Variants in MARCHF7 observed in about 807,000 individuals in gnomAD.
MARCHF7 encodes the protein E3 ubiquitin-protein ligase MARCHF7.
A neutral mutation model predicts 76.5 loss-of-function variants in MARCHF7; 20 were observed. The observed-to-expected ratio is 0.26, with a 90% CI of 0.18 to 0.38. The LOEUF (loss-of-function observed/expected upper bound fraction) is 0.38, where lower values mean the gene tolerates loss of function less well. Among genes scored for constraint, MARCHF7 ranks in the 10% least tolerant of loss-of-function variants. The pLI is 1.00. For synonymous variants in MARCHF7, 295 were observed against 293.0 expected, an observed-to-expected ratio of 1.01 and a Z score of -0.07; for missense variants, 797 against 812.9, an observed-to-expected ratio of 0.98 and a Z score of 0.24.
rs1248317515 is a variant in MARCHF7, at chr2:159,764,671, G to C, written c.2053G>C (p.Glu685Gln). The C allele has an allele frequency of 6.3e-7, 1 of 1,599,736 alleles. No individual in the cohort carries two copies. Among genetic ancestry groups the C allele is most frequent in the Admixed American group, 1.7e-5 (1 of 57,442 alleles). Residue 685 changes from glutamate (E) to glutamine (Q), a missense_variant, in exon 11 of 12, where the codon GAA (glutamate) becomes CAA (glutamine). Coordinates refer to ENST00000409175, the MANE Select transcript of MARCHF7 (RefSeq NM_001282805.2). ...TCTTCAGGCACATATGGAAGATCTCGAAAGTAGGTGGAATTTCCCCTCCCC... is the reference window on the plus strand; with the variant it reads ...TCTTCAGGCACATATGGAAGATCTCCAAAGTAGGTGGAATTTCCCCTCCCC... Reference protein sequence around the residue: ...RTLQAHMEDLETSEDDSEEDG... With the variant: ...RTLQAHMEDLQTSEDDSEEDG...
chr2:159,741,736 T>G (rs1704149607), intron 4 of MARCHF7, among the ~76,000 whole-genome samples: 1 of 152,240 alleles, frequency 6.6e-6, no homozygotes, highest in Admixed American at 6.5e-5. Context: ...TTCATTTTAA[T>G]GTTCTTTAGC....
intron 3 of MARCHF7, among the ~76,000 whole-genome samples, chr2:159,726,787 A>G (rs986550657): frequency 1.3e-5 from 2 of 152,208 alleles, no homozygotes; most frequent in African/African-American, 4.8e-5. Flanking sequence ...TTTCATACTC[A>G]TTAAACAACT....
At position 159,743,042 on chromosome 2, in the gene MARCHF7, A is replaced by C. The variant is rs1381094157; in HGVS notation, c.154-19A>C. On this transcript the variant is annotated intron_variant, in intron 4 of 11. Transcript: ENST00000409175. ...GAATGCAGCCTTTTGTTGTTTAAAA[A>C]ATTTTTTTGAACTCACAGTCTACAT... The C allele has an allele frequency of 2.5e-6, 4 of 1,598,196 alleles. No homozygotes were observed. The highest frequency in any genetic ancestry group is 3.4e-6 in the Non-Finnish European group (4 of 1,171,552).
intron 4 of MARCHF7, among the ~76,000 whole-genome samples, chr2:159,741,383 A>G (rs1237722362): frequency 3.3e-5 from 5 of 152,122 alleles, no homozygotes; most frequent in Non-Finnish European, 7.4e-5. Context: ...TGATGGTAAA[A>G]TGGTTTATAC....
intron 4 of MARCHF7, among the ~76,000 whole-genome samples, chr2:159,731,973 G>A (rs10201985): frequency 0.12 from 17,524 of 150,934 alleles, 2,348 homozygotes; most frequent in African/African-American, 0.33. Flanking sequence ...GCGTGGTGGC[G>A]GGCGCCTGTA....
At chr2:159,717,807 G>A (rs1349354254) in intron 3 of MARCHF7, among the ~76,000 whole-genome samples, 3 of 151,978 alleles carry the variant, frequency 2.0e-5, no homozygotes, top group Non-Finnish European at 4.4e-5. Context: ...ACCATCACCC[G>A]AGATAACAGC....
chr2:159,746,747 C>G lies in MARCHF7; in HGVS notation c.514+810C>G, dbSNP rs575943758. Among the ~76,000 whole-genome samples, 5 of 152,192 alleles carry G rather than the reference C, an allele frequency of 3.3e-5. 1 individual carries two copies. In the South Asian group the frequency reaches 1.0e-3, roughly 32 times the overall value. ...AGCCTTAAACTATCATACTAAGTAA[C>G]TGAAGAAAAAGGTGCTAATTGAAGT... On this transcript the variant is annotated intron_variant, in intron 6 of 11. Transcript: ENST00000409175.
rs1283918780 is a variant in MARCHF7, at chr2:159,755,087, C to A, written c.1783+2516C>A. Among the ~76,000 whole-genome samples the A allele has an allele frequency of 3.3e-5, 5 of 152,204 alleles. No homozygotes were observed. The East Asian group carries it at 9.6e-4, about 29-fold the overall frequency. ...AGGGAGTTAAGGGTATCTATAAGGACATAATTGTGGCAACCATAGAAATTA... is the reference window on the plus strand; with the variant it reads ...AGGGAGTTAAGGGTATCTATAAGGAAATAATTGTGGCAACCATAGAAATTA... On this transcript the variant is annotated intron_variant, in intron 8 of 11. Transcript: ENST00000409175.
chr2:159,768,415 T>C lies in MARCHF7; in HGVS notation c.*1073T>C, dbSNP rs1001498207. On this transcript the variant is annotated 3_prime_UTR_variant, in exon 12 of 12. Coordinates refer to ENST00000409175, the MANE Select transcript of MARCHF7 (RefSeq NM_001282805.2). Reference sequence around the variant, plus strand: ...TTCTGTCAGTACCCTTAGGATACACTTTAAAACACCTTAAGGTCTGATGTT... The same window carrying C: ...TTCTGTCAGTACCCTTAGGATACACCTTAAAACACCTTAAGGTCTGATGTT... 2 of 152,634 alleles carry C rather than the reference T, an allele frequency of 1.3e-5. No individual in the cohort carries two copies. Among genetic ancestry groups the C allele is most frequent in the South Asian group, 4.1e-4 (2 of 4,838 alleles). The allele number at this position is 152,634 out of a possible 1,614,324, so 9.5% of individuals were successfully genotyped here. A position where few individuals can be genotyped will look rare whatever the true frequency, so the allele number is the denominator to read the frequency against.
chr2:159,713,930 A>C (rs1700665469), intron 1 of MARCHF7, among the ~76,000 whole-genome samples: 1 of 152,174 alleles, frequency 6.6e-6, no homozygotes, highest in Admixed American at 6.5e-5. Flanking sequence ...TTTTTTTCCA[A>C]GTTTAGTGCT....
intron 8 of MARCHF7, among the ~76,000 whole-genome samples, chr2:159,758,538 T>C (rs1485439117): frequency 6.6e-6 from 1 of 152,248 alleles, no homozygotes. Flanking sequence ...TCTGGTCTAC[T>C]TTCTGTCTCT....
chr2:159,740,147 G>T (rs896072145), intron 4 of MARCHF7, among the ~76,000 whole-genome samples: 6 of 152,014 alleles, frequency 3.9e-5, no homozygotes, highest in Admixed American at 1.3e-4. Flanking sequence ...CTTATTTCTT[G>T]ATATTCTAAT....
At chr2:159,758,218 A>G (rs1706574230) in intron 8 of MARCHF7, among the ~76,000 whole-genome samples, 1 of 152,244 alleles carries the variant, frequency 6.6e-6, no homozygotes, top group African/African-American at 2.4e-5. Flanking sequence ...GGCAGAAAGA[A>G]CCTACAAGTT....
At chr2:159,752,603 T>C in intron 8 of MARCHF7, 32 bp downstream of exon 8, 2 of 1,429,136 alleles carry the variant, frequency 1.4e-6, no homozygotes, top group Non-Finnish European at 1.8e-6. Context: ...TTTCACAATT[T>C]TTCTAAGAGA....
chr2:159,735,880 G>C (rs1359851865), intron 4 of MARCHF7, among the ~76,000 whole-genome samples: 2 of 152,160 alleles, frequency 1.3e-5, no homozygotes, highest in Admixed American at 1.3e-4. Context: ...TGTAATCCCA[G>C]CACTTTGGGA....
intron 3 of MARCHF7, among the ~76,000 whole-genome samples, chr2:159,724,259 G>C (rs1701932465): frequency 6.6e-6 from 1 of 151,984 alleles, no homozygotes; most frequent in South Asian, 2.1e-4. Context: ...CGTTCTCTTT[G>C]TATGTGACCC....
chr2:159,750,253 C>T (rs903885158), intron 7 of MARCHF7, among the ~76,000 whole-genome samples: 9 of 152,090 alleles, frequency 5.9e-5, no homozygotes, highest in Admixed American at 1.3e-4. Context: ...TTAGGCCGGG[C>T]GCAGTGGTTC....
At chr2:159,752,106 T>A (rs1456649032) in intron 7 of MARCHF7, among the ~76,000 whole-genome samples, 1 of 152,246 alleles carries the variant, frequency 6.6e-6, no homozygotes, top group Admixed American at 6.5e-5. Context: ...AACTGTCATT[T>A]GCCAATGACA....
At chr2:159,756,558 A>G (rs1706322409) in intron 8 of MARCHF7, among the ~76,000 whole-genome samples, 1 of 151,808 alleles carries the variant, frequency 6.6e-6, no homozygotes, top group African/African-American at 2.4e-5. Flanking sequence ...GTGGTGGCGC[A>G]CACCTGTAAT....
Sources: allele counts gnomAD v4.1 joint callset (sites outside exome capture counted in the v4.1 genomes callset), GRCh38; gene constraint gnomAD v4.1.1; transcripts MANE v1.5; gene names NCBI Gene and HGNC (gene_info 2026-07-23, HGNC 2026-07-21).